The following CCDC40 variants were observed in gnomAD, a reference collection of about 807,000 sequenced individuals.
CCDC40 encodes coiled-coil domain 40 molecular ruler complex subunit.
CCDC40 carries 104 observed loss-of-function variants against 124.5 expected under a neutral mutation model. That is an observed-to-expected ratio of 0.84 (90% CI 0.71 to 0.98). CCDC40 has a LOEUF of 0.98. Among genes scored for constraint, CCDC40 ranks in the 50% least tolerant of loss-of-function variants. CCDC40 has a pLI of 0.00. For synonymous variants in CCDC40, 580 were observed against 602.9 expected, an observed-to-expected ratio of 0.96 and a Z score of 0.56; for missense variants, 1,463 against 1,503.9, an observed-to-expected ratio of 0.97 and a Z score of 0.45.
chr17:80,071,822 G>A (rs1369569739), intron 10 of CCDC40, among the ~76,000 whole-genome samples: 1 of 133,620 alleles, frequency 7.5e-6, no homozygotes. Context: ...TGCATTTTGG[G>A]TTTTTCAGCT....
At position 80,087,692 on chromosome 17, in the gene CCDC40, G is replaced by A. The variant is rs770813146; in HGVS notation, c.2535G>A (p.Met845Ile). The A allele has an allele frequency of 5.0e-6, 8 of 1,614,042 alleles. No homozygotes were observed. The South Asian group carries it at 8.8e-5, about 18-fold the overall frequency. ...DLDNDLKKLN[M>I]LMNKNRCSSE... ...ACAACGACCTGAAGAAGCTCAACAT[G>A]TTGATGAATAAAAACCGGTGCAGCT... is the stretch of plus-strand genomic sequence containing the variant. The change falls in exon 15 of 20, where the codon ATG becomes ATA. Residue 845 changes from methionine to isoleucine, a missense_variant. Coordinates refer to ENST00000397545, the MANE Select transcript of CCDC40 (RefSeq NM_017950.4). The surrounding 1 kb of genome is among the most constrained non-coding windows in gnomAD (Gnocchi z 4.5).
rs2038607616 is a variant in CCDC40, at chr17:80,087,352, G to A, written c.2450-255G>A. The A allele has an allele frequency of 1.7e-5, 9 of 539,884 alleles. No individual in the cohort carries two copies. The highest frequency in any genetic ancestry group is 3.0e-5 in the Non-Finnish European group (9 of 298,738). The allele number at this position is 539,884 out of a possible 1,614,324, so 33.4% of individuals were successfully genotyped here. A position where few individuals can be genotyped will look rare whatever the true frequency, so the allele number is the denominator to read the frequency against. On this transcript the variant is annotated intron_variant, in intron 14 of 19. Transcript: ENST00000397545. The surrounding 1 kb of genome is among the most constrained non-coding windows in gnomAD (Gnocchi z 4.5). The stretch of plus-strand genomic sequence containing the variant: ...CCCACACCTGCTGGCTGTCCCCACA[G>A]GCAGGTCCTCTCAGTTCCGTTGGAG...
intron 10 of CCDC40, chr17:80,065,961 A>C: frequency 1.6e-6 from 1 of 625,424 alleles, no homozygotes; most frequent in South Asian, 1.8e-5. Flanking sequence ...TCCCTTCTCG[A>C]TTGTTCTGCC....
chr17:80,053,673 A>G (rs1446286342), intron 7 of CCDC40, among the ~76,000 whole-genome samples: 2 of 151,862 alleles, frequency 1.3e-5, no homozygotes, highest in African/African-American at 4.8e-5. Context: ...GCTCACTGCA[A>G]CCTCCACCTC....
rs368063104 is a variant in CCDC40 at position 80,084,905 on chromosome 17, C to T, written c.2152C>T (p.Arg718Trp). ...CACCAACAGCCAGAGCGAGATCTCC[C>T]GGCGCACGATCCTGATCGAGAGGAA... is the stretch of plus-strand genomic sequence containing the variant. ...LITNSQSEIS[R>W]RTILIERKQG... Residue 718 changes from arginine to tryptophan, a missense_variant, in exon 13 of 20, where the codon CGG becomes TGG. Coordinates refer to ENST00000397545, the MANE Select transcript of CCDC40 (RefSeq NM_017950.4). The T allele has an allele frequency of 5.6e-6, 9 of 1,613,954 alleles. No individual in the cohort carries two copies. Among genetic ancestry groups the T allele is most frequent in the African/African-American group, 1.3e-5 (1 of 74,924 alleles).
chr17:80,090,818 C>A, intron 17 of CCDC40: 1 of 1,209,280 alleles, frequency 8.3e-7, no homozygotes, highest in Non-Finnish European at 1.0e-6. Context: ...CCATGCCATG[C>A]TAAATAGAAA....
chr17:80,065,456 A>G, intron 9 of CCDC40, 29 bp from the exon 10 acceptor site: 1 of 1,611,972 alleles, frequency 6.2e-7, no homozygotes, highest in Non-Finnish European at 8.5e-7. Flanking sequence ...TGAGACAGCC[A>G]TTCCTGCCCC....
At chr17:80,090,227 GCGCGCAGGCA>G in intron 17 of CCDC40, 2 of 870,802 alleles carry the variant, frequency 2.3e-6, no homozygotes, top group South Asian at 4.3e-5. Context: ...AACACGGGAC[GCGCGCAGGCA>G]CGTGCACGAA....
rs746652297 is a variant in CCDC40 at position 80,058,672 on chromosome 17, A to C, written c.1317+21A>C. On this transcript the variant is annotated intron_variant, in intron 8 of 19. Transcript: ENST00000397545. This position sits in a 1 kb window ranked among gnomAD's most constrained non-coding sequence, Gnocchi z 4.2. ...AGCAGGTATTCTGCAAACTCGACAC[A>C]TGTTTAATGATCACCAGACCGTGGA... 3.1e-6 allele frequency: 5 copies of C among 1,613,626 alleles called. No individual in the cohort carries two copies. The highest frequency in any genetic ancestry group is 1.6e-4 in the Middle Eastern group (1 of 6,062).
rs2037799457 is a variant in CCDC40, at chr17:80,058,155, T to G, written c.1160-339T>G. ...TTGCCAGCCTTTCAGTGGTAAGACA[T>G]CTATGCAATCAACCCGAAGCCTTAC... is the stretch of plus-strand genomic sequence containing the variant. On this transcript the variant is annotated intron_variant, in intron 7 of 19. Transcript: ENST00000397545. This position sits in a 1 kb window ranked among gnomAD's most constrained non-coding sequence, Gnocchi z 4.2. 6.6e-6 allele frequency among the ~76,000 whole-genome samples: 1 copy of G among 152,106 alleles called. No individual in the cohort carries two copies. Among genetic ancestry groups the G allele is most frequent in the Admixed American group, 6.5e-5 (1 of 15,274 alleles).
chr17:80,077,234 A>T (rs2038331176), intron 10 of CCDC40, among the ~76,000 whole-genome samples: 1 of 152,060 alleles, frequency 6.6e-6, no homozygotes, highest in South Asian at 2.1e-4. Flanking sequence ...TTACTTTATA[A>T]CAAATGCTTG....
chr17:80,054,473 C>G (rs2037687027), intron 7 of CCDC40, among the ~76,000 whole-genome samples: 1 of 152,072 alleles, frequency 6.6e-6, no homozygotes, highest in South Asian at 2.1e-4. Flanking sequence ...CGGAAACTCC[C>G]CACAGGCTGG....
At position 80,066,941 on chromosome 17, in the gene CCDC40, G is replaced by A. The variant is rs895045078; in HGVS notation, c.1562+1335G>A. 6.6e-6 allele frequency: 1 copy of A among 152,558 alleles called. No individual in the cohort carries two copies. Among genetic ancestry groups the A allele is most frequent in the African/African-American group, 2.4e-5 (1 of 41,428 alleles). The allele number at this position is 152,558 out of a possible 1,614,324, so 9.5% of individuals were successfully genotyped here. ...CTCCTCTCCCTGTGTCACCAGGGTT[G>A]CCTGAACACCAGGACGAGAGGACTT... On this transcript the variant is annotated intron_variant, in intron 10 of 19. Coordinates refer to ENST00000397545, the MANE Select transcript of CCDC40 (RefSeq NM_017950.4). This position sits in a 1 kb window ranked among gnomAD's most constrained non-coding sequence, Gnocchi z 4.4.
At chr17:80,045,546 G>A (rs8073491) in intron 3 of CCDC40, among the ~76,000 whole-genome samples, 51,964 of 151,796 alleles carry the variant, frequency 0.34, 11,602 homozygotes, top group African/African-American at 0.64. Flanking sequence ...TCTACTAAAA[G>A]TGCAAAAATT....
chr17:80,092,756 A>G (rs894307), intron 17 of CCDC40, among the ~76,000 whole-genome samples: 100,337 of 151,892 alleles, frequency 0.66, 33,452 homozygotes, highest in Middle Eastern at 0.8. Flanking sequence ...GATTACGGGC[A>G]CACACCACGG....
chr17:80,096,417 G>A (rs117269012), intron 18 of CCDC40, among the ~76,000 whole-genome samples: 1 of 152,302 alleles, frequency 6.6e-6, no homozygotes, highest in Non-Finnish European at 1.5e-5. Context: ...GTAACTGGAA[G>A]TTTCTGGAGA....
intron 17 of CCDC40, among the ~76,000 whole-genome samples, chr17:80,091,302 T>TACACACAC (rs71163919): frequency 4.5e-4 from 63 of 139,626 alleles, no homozygotes; most frequent in African/African-American, 1.0e-3. Context: ...ACCAGTAGAC[T>TACACACAC]ACACACACAC....
intron 10 of CCDC40, among the ~76,000 whole-genome samples, chr17:80,077,108 T>C (rs1682405021): frequency 1.3e-5 from 2 of 152,188 alleles, no homozygotes; most frequent in African/African-American, 4.8e-5. Context: ...GCACCTTCTG[T>C]ATGCACTGGG....
chr17:80,041,883 G>A (rs544431706), intron 3 of CCDC40, among the ~76,000 whole-genome samples: 14 of 152,238 alleles, frequency 9.2e-5, no homozygotes, highest in African/African-American at 3.1e-4. Flanking sequence ...GTTCACTTCT[G>A]TCACCAAATT....
Sources: allele counts gnomAD v4.1 joint callset (sites outside exome capture counted in the v4.1 genomes callset), GRCh38; gene constraint gnomAD v4.1.1; non-coding constraint Gnocchi (gnomAD v3.1); transcripts MANE v1.5; gene names NCBI Gene and HGNC (gene_info 2026-07-23, HGNC 2026-07-21).